The following MYO1G variants were observed in gnomAD, a reference collection of about 807,000 sequenced individuals.
MYO1G encodes the protein unconventional myosin-Ig.
A neutral mutation model predicts 115.3 loss-of-function variants in MYO1G; 65 were observed. The observed-to-expected ratio is 0.56, with a 90% confidence interval of 0.46 to 0.69. The LOEUF is 0.69. Ranked by LOEUF, MYO1G falls within the 30% of genes least tolerant of loss-of-function variation. The probability of loss-of-function intolerance (pLI) is 0.00; values close to 1 mark genes in which losing one functional copy is unlikely to be tolerated. For missense variants in MYO1G, 1,204 were observed against 1,393.5 expected (o/e 0.86, Z 2.16); for synonymous variants, 510 against 552.6 (o/e 0.92, Z 1.08).
At chr7:44,976,403 C>T (rs556908192) in intron 3 of MYO1G, among the ~76,000 whole-genome samples, 161 bp downstream of exon 3, 15 of 152,302 alleles carry the variant, frequency 9.8e-5, no homozygotes, top group African/African-American at 2.9e-4. Flanking sequence ...GTCTCACCTC[C>T]GGGTGTGTTG....
chr7:44,969,335 C>T lies in MYO1G; in HGVS notation c.1574+78G>A, dbSNP rs1794908299. 19 of 1,496,216 alleles carry T rather than the reference C, an allele frequency of 1.3e-5. No homozygotes were observed. The highest frequency in any genetic ancestry group is 1.8e-5 in the Non-Finnish European group (19 of 1,073,896). 92.7% of individuals were successfully genotyped at this position (1,496,216 alleles called of 1,614,324 possible). ...TAACACCTGTCTCCGAGCCACTCCC[C>T]TGAAGCGCTCCTGCCCCATGACACA... On this transcript the variant is annotated intron_variant, in intron 12 of 21. Coordinates refer to ENST00000258787, the MANE Select transcript of MYO1G (RefSeq NM_033054.3). This position sits in a 1 kb window ranked among gnomAD's most constrained non-coding sequence, Gnocchi z 5.0.
At position 44,969,981 on chromosome 7, in the gene MYO1G, A is replaced by G. The variant is rs534027129; in HGVS notation, c.1332+59T>C. On this transcript the variant is annotated intron_variant, in intron 10 of 21. Coordinates refer to ENST00000258787, the MANE Select transcript of MYO1G (RefSeq NM_033054.3). This position sits in a 1 kb window ranked among gnomAD's most constrained non-coding sequence, Gnocchi z 5.0. ...GTCAGGCCAGCCCGGGCCCCTCCCCATGGGCTGAGGCCCCTCCACACCCCA... is the reference window on the plus strand; with the variant it reads ...GTCAGGCCAGCCCGGGCCCCTCCCCGTGGGCTGAGGCCCCTCCACACCCCA... 7 of 1,594,578 alleles carry G rather than the reference A, an allele frequency of 4.4e-6. No homozygotes were observed. Among genetic ancestry groups the G allele is most frequent in the Non-Finnish European group, 1.7e-6 (2 of 1,166,264 alleles).
rs746243766 is a variant in MYO1G at position 44,966,235 on chromosome 7, G to T, written c.1995C>A (p.Gly665=). ...CEYTWPNHLL[G]SDKAAVSALL... ...GAGCGCTCACGGCTGCCTTGTCGGAGCCCAGCAGGTGGTTGGGCCATGTGT... is the reference window on the plus strand; with the variant it reads ...GAGCGCTCACGGCTGCCTTGTCGGATCCCAGCAGGTGGTTGGGCCATGTGT... Residue 665 remains glycine, a synonymous_variant, in exon 16 of 22, where the codon GGC becomes GGA. Coordinates refer to ENST00000258787, the MANE Select transcript of MYO1G (RefSeq NM_033054.3). The surrounding 1 kb of genome is among the most constrained non-coding windows in gnomAD (Gnocchi z 5.0). 6.2e-7 allele frequency: 1 copy of T among 1,611,698 alleles called. No individual in the cohort carries two copies. The highest frequency in any genetic ancestry group is 8.5e-7 in the Non-Finnish European group (1 of 1,179,616).
chr7:44,966,067 C>T lies in MYO1G; in HGVS notation c.2157+6G>A. Reference sequence around the variant, plus strand: ...AGTGGATGTCTTCCTGCCCCGCCCACCTCACCTTCTGCAATAGCAGCACAA... The same window carrying T: ...AGTGGATGTCTTCCTGCCCCGCCCATCTCACCTTCTGCAATAGCAGCACAA... On this transcript the variant is annotated splice_donor_region_variant and intron_variant, in intron 16 of 21. Transcript: ENST00000258787. This position sits in a 1 kb window ranked among gnomAD's most constrained non-coding sequence, Gnocchi z 5.0. 1 of 1,610,766 alleles carries T rather than the reference C, an allele frequency of 6.2e-7. No individual in the cohort carries two copies. The highest frequency in any genetic ancestry group is 8.5e-7 in the Non-Finnish European group (1 of 1,179,650).
In MYO1G at chr7:44,969,337, G is replaced by T; in HGVS notation, c.1574+76C>A. 6.7e-7 allele frequency: 1 copy of T among 1,501,112 alleles called. No individual in the cohort carries two copies. Among genetic ancestry groups the T allele is most frequent in the Non-Finnish European group, 9.3e-7 (1 of 1,078,264 alleles). 93.0% of individuals were successfully genotyped at this position (1,501,112 alleles called of 1,614,324 possible). ...ACACCTGTCTCCGAGCCACTCCCCT[G>T]AAGCGCTCCTGCCCCATGACACATG... On this transcript the variant is annotated intron_variant, in intron 12 of 21. Transcript: ENST00000258787. The surrounding 1 kb of genome is among the most constrained non-coding windows in gnomAD (Gnocchi z 5.0).
chr7:44,969,440 C>T lies in MYO1G; in HGVS notation c.1547G>A (p.Arg516Gln), dbSNP rs146602744. Residue 516 changes from arginine to glutamine, a missense_variant, in exon 12 of 22, where the codon CGG (arginine) becomes CAG (glutamine). Physicochemically the swap from Arg to Gln is conservative, Grantham distance 43. Transcript: ENST00000258787. The surrounding 1 kb of genome is among the most constrained non-coding windows in gnomAD (Gnocchi z 5.0). ...GACGTCCCCTGCATAGTGCTTGATC[C>T]GGAAGTCTCGGCCAAACTCCATGGT... The part of the protein sequence containing the change: ...DKTMEFGRDF[R>Q]IKHYAGDVTY... 30 of 1,613,734 alleles carry T rather than the reference C, an allele frequency of 1.9e-5. No individual in the cohort carries two copies. Among genetic ancestry groups the T allele is most frequent in the South Asian group, 5.5e-5 (5 of 91,080 alleles).
intron 4 of MYO1G, 100 bp from the exon 5 acceptor site, chr7:44,975,327 G>A: frequency 6.6e-7 from 1 of 1,518,008 alleles, no homozygotes; most frequent in East Asian, 2.3e-5. Context: ...GGGGGTCAGA[G>A]AGTCCTGACT....
chr7:44,963,088 GC>G lies in MYO1G; in HGVS notation c.2781del (p.Gln927HisfsTer56). 1 of 1,520,224 alleles carries G rather than the reference GC, an allele frequency of 6.6e-7. No homozygotes were observed. Among genetic ancestry groups the G allele is most frequent in the Non-Finnish European group, 8.8e-7 (1 of 1,140,052 alleles). The allele number at this position is 1,520,224 out of a possible 1,614,324, so 94.2% of individuals were successfully genotyped here. ...TGGCCGCGGGCGTGCAGCACCACCA[GC>G]TGGTCTCCTCCGCTGGTCACGCTCA... The part of the protein sequence containing the change: ...TGLSVTSGGD[Q>X]LVVLHARGQD... On this transcript the variant is annotated frameshift_variant, in exon 21 of 22. Transcript: ENST00000258787. LOFTEE classifies it high-confidence loss of function. The surrounding 1 kb of genome is among the most constrained non-coding windows in gnomAD (Gnocchi z 4.1).
At position 44,969,370 on chromosome 7, in the gene MYO1G, G is replaced by A; in HGVS notation, c.1574+43C>T. On this transcript the variant is annotated intron_variant, in intron 12 of 21. Coordinates refer to ENST00000258787, the MANE Select transcript of MYO1G (RefSeq NM_033054.3). This position sits in a 1 kb window ranked among gnomAD's most constrained non-coding sequence, Gnocchi z 5.0. The stretch of plus-strand genomic sequence containing the variant: ...CCTGCCCCATGACACATGCCATGGT[G>A]CCTGTGGGAAAGCCAGGGATGTGGG... 6.2e-7 allele frequency: 1 copy of A among 1,602,474 alleles called. No homozygotes were observed. Among genetic ancestry groups the A allele is most frequent in the East Asian group, 2.2e-5 (1 of 44,826 alleles).
intron 9 of MYO1G, among the ~76,000 whole-genome samples, 197 bp from the exon 10 acceptor site, chr7:44,970,351 G>A (rs1229828267): frequency 6.6e-6 from 1 of 152,172 alleles, no homozygotes; most frequent in East Asian, 1.9e-4. Flanking sequence ...TGCACGTTCT[G>A]GAGTGGACTT....
Position 44,966,984 on chromosome 7 carries a change from T to G in MYO1G, c.1783-146A>C. The G allele has an allele frequency of 3.3e-6, 3 of 912,718 alleles. No homozygotes were observed. The highest frequency in any genetic ancestry group is 4.9e-6 in the Non-Finnish European group (3 of 610,060). 56.5% of individuals were successfully genotyped at this position (912,718 alleles called of 1,614,324 possible). On this transcript the variant is annotated intron_variant, in intron 14 of 21. Coordinates refer to ENST00000258787, the MANE Select transcript of MYO1G (RefSeq NM_033054.3). This position sits in a 1 kb window ranked among gnomAD's most constrained non-coding sequence, Gnocchi z 5.0. ...AGGGAAATCAGCAGAACAAGGGCCC[T>G]GGAAGCCCTAAGTGCTGGGCAGAGG...
Position 44,966,160 on chromosome 7 carries a change from C to T in MYO1G, c.2070G>A (p.Lys690=), listed in dbSNP as rs1472346297. Residue 690 remains lysine (K), a synonymous_variant, in exon 16 of 22, where the codon AAG becomes AAA. Transcript: ENST00000258787. The surrounding 1 kb of genome is among the most constrained non-coding windows in gnomAD (Gnocchi z 5.0). ...LQGDVAFGHS[K]LFIRSPRTLV... ...GTGTCCGGGGTGAGCGGATGAACAG[C>T]TTGCTGTGGCCAAAGGCCACGTCCC... 1.2e-6 allele frequency: 2 copies of T among 1,612,916 alleles called. No homozygotes were observed. Among genetic ancestry groups the T allele is most frequent in the Non-Finnish European group, 1.7e-6 (2 of 1,179,948 alleles).
At chr7:44,971,087 C>T (rs377729364) in intron 7 of MYO1G, 28 bp from the exon 8 acceptor site, 182 of 1,581,728 alleles carry the variant, frequency 1.2e-4, no homozygotes, top group Middle Eastern at 1.7e-4. Flanking sequence ...ATGAACAGTC[C>T]GGGCTCCATG....
chr7:44,973,754 C>T (rs1379346990), intron 5 of MYO1G: 1 of 151,654 alleles, frequency 6.6e-6, no homozygotes, highest in East Asian at 2.0e-4. Flanking sequence ...GCCCATGTGC[C>T]ACCGAACTCC....
intron 17 of MYO1G, 69 bp downstream of exon 17, chr7:44,965,568 C>A: frequency 1.4e-6 from 2 of 1,471,912 alleles, no homozygotes; most frequent in Non-Finnish European, 1.9e-6. Context: ...ACTGCAGGCC[C>A]GGGATGATGG....
Position 44,969,755 on chromosome 7 carries a change from G to T in MYO1G, c.1453C>A (p.Gln485Lys), listed in dbSNP as rs201569078. The T allele has an allele frequency of 7.9e-5, 127 of 1,612,256 alleles. No homozygotes were observed. The highest frequency in any genetic ancestry group is 1.0e-4 in the Non-Finnish European group (121 of 1,179,930). The change falls in exon 11 of 22, where the codon CAG becomes AAG. Residue 485 changes from glutamine to lysine, a missense_variant. By Grantham distance (53) the Gln-to-Lys change is moderately conservative (BLOSUM62 1). Transcript: ENST00000258787. This position sits in a 1 kb window ranked among gnomAD's most constrained non-coding sequence, Gnocchi z 5.0. Reference protein sequence around the residue: ...AGTITDRIFLQTLDMHHRHHL... With the variant: ...AGTITDRIFLKTLDMHHRHHL... ...TGGCGGTGGTGCATGTCCAGGGTCT[G>T]CAGGAAGATTCGGTCAGTGATGGTG...
intron 4 of MYO1G, 68 bp from the exon 5 acceptor site, chr7:44,975,295 A>G (rs769363317): frequency 1.6e-5 from 26 of 1,581,764 alleles, no homozygotes; most frequent in Non-Finnish European, 2.1e-5. Flanking sequence ...CCATCTGAAC[A>G]TTCCCAGGTG....
rs376350486 is a variant in MYO1G at position 44,964,063 on chromosome 7, C to T, written c.2731G>A (p.Val911Met). Residue 911 changes from valine (V) to methionine (M), a missense_variant, in exon 20 of 22, where the codon GTG (valine) becomes ATG (methionine). Transcript: ENST00000258787. The surrounding 1 kb of genome is among the most constrained non-coding windows in gnomAD (Gnocchi z 5.1). ...ACATTGCTCACCGCCTCAAGGGGCA[C>T]GGCCCGCATCACCCGGTACTGCCGG... ...PDRQYRVMRA[V>M]PLEAVTGLSV... 2.5e-5 allele frequency: 40 copies of T among 1,594,816 alleles called. No homozygotes were observed. The highest frequency in any genetic ancestry group is 1.7e-4 in the Middle Eastern group (1 of 6,058).
In MYO1G at chr7:44,970,022, C is replaced by G. The variant is rs1794925006; in HGVS notation, c.1332+18G>C. On this transcript the variant is annotated intron_variant, in intron 10 of 21. Coordinates refer to ENST00000258787, the MANE Select transcript of MYO1G (RefSeq NM_033054.3). The stretch of plus-strand genomic sequence containing the variant: ...CCACACCCCACTGCCTGGCCTCCCT[C>G]CAGGCCACAGTGCTCACGCTCTGCC... 1 of 1,609,940 alleles carries G rather than the reference C, an allele frequency of 6.2e-7. No individual in the cohort carries two copies. The highest frequency in any genetic ancestry group is 1.7e-5 in the Admixed American group (1 of 59,954).
Sources: gnomAD v4.1 joint callset for allele counts (sites outside exome capture counted in the v4.1 genomes callset) on GRCh38, gnomAD v4.1.1 for gene constraint, Gnocchi (gnomAD v3.1) non-coding constraint, MANE v1.5 for transcripts, NCBI Gene and HGNC (gene_info 2026-07-23, HGNC 2026-07-21) for gene names.